The following WWOX variants were observed in gnomAD, a reference collection of about 807,000 sequenced individuals.
WWOX encodes the protein WW domain containing oxidoreductase.
WWOX carries 69 observed loss-of-function variants against 46.2 expected under a neutral mutation model. The observed-to-expected ratio is 1.49, with a 90% CI of 1.23 to 1.82. WWOX has a LOEUF of 1.82. Among genes scored for constraint, WWOX ranks in the 40% most tolerant of loss-of-function variants. WWOX has a pLI of 0.00. For missense variants in WWOX, 919 were observed against 542.6 expected, an observed-to-expected ratio of 1.69 and a Z score of -6.89; for synonymous variants, 359 against 202.6, an observed-to-expected ratio of 1.77 and a Z score of -6.56.
intron 8 of WWOX, among the ~76,000 whole-genome samples, chr16:78,580,972 A>G (rs145633317): frequency 3.8e-4 from 58 of 152,364 alleles, no homozygotes; most frequent in Admixed American, 3.4e-3. Context: ...AGAGTAATCT[A>G]TTGAAAAGGA....
intron 5 of WWOX, among the ~76,000 whole-genome samples, chr16:78,184,991 C>T (rs543173876): frequency 1.2e-4 from 18 of 152,142 alleles, no homozygotes; most frequent in Non-Finnish European, 1.9e-4. Flanking sequence ...ACTCAGCCAC[C>T]GGGGCCCACA....
chr16:78,956,471 G>T (rs1056252461), intron 8 of WWOX, among the ~76,000 whole-genome samples: 3 of 152,048 alleles, frequency 2.0e-5, no homozygotes, highest in Admixed American at 2.0e-4. Flanking sequence ...TGTTTTAATT[G>T]ATTAATCTAC....
At chr16:78,560,867 TC>T (rs1363782425) in intron 8 of WWOX, among the ~76,000 whole-genome samples, 2 of 152,184 alleles carry the variant, frequency 1.3e-5, no homozygotes, top group Non-Finnish European at 2.9e-5. Context: ...AATTTTTTTT[TC>T]TTTTGCTATT....
intron 5 of WWOX, among the ~76,000 whole-genome samples, chr16:78,293,992 A>AC (rs1567482445): frequency 8.1e-5 from 12 of 148,438 alleles, no homozygotes; most frequent in Non-Finnish European, 1.4e-4. Flanking sequence ...AAAAAAAAAA[A>AC]AAAAAAAAAA....
intron 8 of WWOX, among the ~76,000 whole-genome samples, chr16:78,653,379 T>C (rs183995638): frequency 2.0e-5 from 3 of 152,352 alleles, no homozygotes; most frequent in Non-Finnish European, 2.9e-5. Context: ...ATCAGAGCAG[T>C]AATAATAGAT....
At chr16:78,678,900 A>C (rs2047664742) in intron 8 of WWOX, among the ~76,000 whole-genome samples, 1 of 152,108 alleles carries the variant, frequency 6.6e-6, no homozygotes, top group Non-Finnish European at 1.5e-5. Flanking sequence ...AGGTTAAGCC[A>C]CCTACCCAGG....
intron 6 of WWOX, among the ~76,000 whole-genome samples, chr16:78,416,888 C>G (rs543076127): frequency 6.6e-6 from 1 of 152,182 alleles, no homozygotes; most frequent in Non-Finnish European, 1.5e-5. Context: ...GACACAGATT[C>G]ACAGGGGTGA....
At chr16:78,986,992 C>G (rs910401387) in intron 8 of WWOX, among the ~76,000 whole-genome samples, 1 of 152,016 alleles carries the variant, frequency 6.6e-6, no homozygotes, top group Non-Finnish European at 1.5e-5. Flanking sequence ...CACTTACCCA[C>G]ACGGAGCAGA....
At chr16:78,823,451 C>G (rs1448680514) in intron 8 of WWOX, among the ~76,000 whole-genome samples, 3 of 152,188 alleles carry the variant, frequency 2.0e-5, no homozygotes, top group African/African-American at 7.2e-5. Flanking sequence ...CATCGCTTAT[C>G]ATCACCTGAA....
At chr16:78,478,364 C>A (rs1250164803) in intron 8 of WWOX, among the ~76,000 whole-genome samples, 1 of 152,110 alleles carries the variant, frequency 6.6e-6, no homozygotes, top group Non-Finnish European at 1.5e-5. Context: ...AATAACTGAG[C>A]TCATTTGATC....
intron 8 of WWOX, among the ~76,000 whole-genome samples, chr16:78,615,348 G>T (rs1264054561): frequency 1.3e-5 from 2 of 152,082 alleles, no homozygotes; most frequent in Non-Finnish European, 2.9e-5. Context: ...TGTATAGTTG[G>T]CTAAAAAGAA....
intron 8 of WWOX, among the ~76,000 whole-genome samples, chr16:78,537,703 A>G (rs1281939839): frequency 2.6e-5 from 4 of 152,136 alleles, no homozygotes; most frequent in Admixed American, 2.0e-4. Flanking sequence ...CCCAGCTGCC[A>G]CAGTTCATGT....
At position 78,497,929 on chromosome 16, in the gene WWOX, G is replaced by A. The variant is rs535463541; in HGVS notation, c.1056+65177G>A. Among the ~76,000 whole-genome samples, 3 of 152,102 alleles carry A rather than the reference G, an allele frequency of 2.0e-5. No homozygotes were observed. In the South Asian group the frequency reaches 6.2e-4, roughly 32 times the overall value. On this transcript the variant is annotated intron_variant, in intron 8 of 8. Transcript: ENST00000566780. Reference sequence around the variant, plus strand: ...TTAACAAAGCATCAGGGGGCTGGGAGCAGTAGCTCACGCCTGTAATGACAG... The same window carrying A: ...TTAACAAAGCATCAGGGGGCTGGGAACAGTAGCTCACGCCTGTAATGACAG...
intron 8 of WWOX, among the ~76,000 whole-genome samples, chr16:78,434,035 C>T (rs191186643): frequency 0.01 from 1,579 of 152,110 alleles, 32 homozygotes; most frequent in African/African-American, 0.036. Flanking sequence ...GTGATCCGCC[C>T]GCCTCGGCCT....
At chr16:78,155,110 C>T (rs182970682) in intron 4 of WWOX, among the ~76,000 whole-genome samples, 3 of 151,868 alleles carry the variant, frequency 2.0e-5, no homozygotes, top group Non-Finnish European at 4.4e-5. Flanking sequence ...AGCTTTTGGA[C>T]CTGTGATCTC....
chr16:78,519,344 C>T (rs542161278), intron 8 of WWOX, among the ~76,000 whole-genome samples: 1 of 152,270 alleles, frequency 6.6e-6, no homozygotes, highest in Non-Finnish European at 1.5e-5. Flanking sequence ...TAGTCATCTT[C>T]ACGGCCATCA....
chr16:78,326,456 A>G (rs955981518), intron 5 of WWOX, among the ~76,000 whole-genome samples: 17 of 151,854 alleles, frequency 1.1e-4, no homozygotes, highest in African/African-American at 3.6e-4. Flanking sequence ...TTATCGCGCA[A>G]AGGAAGCTGG....
intron 8 of WWOX, among the ~76,000 whole-genome samples, chr16:78,511,616 C>T (rs1356269576): frequency 6.6e-6 from 1 of 152,166 alleles, no homozygotes; most frequent in Non-Finnish European, 1.5e-5. Context: ...TTGAGTACTG[C>T]ATTCAGACAG....
intron 8 of WWOX, among the ~76,000 whole-genome samples, chr16:79,189,823 C>T (rs1262214978): frequency 6.8e-6 from 1 of 146,600 alleles, no homozygotes; most frequent in African/African-American, 2.5e-5. Flanking sequence ...TATTTGGCAT[C>T]TTGCAATTGA....
Sources: allele counts gnomAD v4.1 joint callset (sites outside exome capture counted in the v4.1 genomes callset), GRCh38; gene constraint gnomAD v4.1.1; transcripts MANE v1.5; gene names NCBI Gene and HGNC (gene_info 2026-07-23, HGNC 2026-07-21).